The following EMILIN2 variants were observed in gnomAD, a reference collection of about 807,000 sequenced individuals.
EMILIN2 encodes the protein EMILIN-2.
Under a neutral mutation model 87.1 loss-of-function variants are expected in EMILIN2, and 71 were observed. The observed-to-expected ratio is 0.82, with a 90% CI of 0.67 to 0.99. The LOEUF is 0.99. Among genes scored for constraint, EMILIN2 ranks in the 50% least tolerant of loss-of-function variants. EMILIN2 has a pLI of 0.00. For missense variants in EMILIN2, 1,407 were observed against 1,371.8 expected (o/e 1.03, Z -0.40); for synonymous variants, 581 against 563.4 (o/e 1.03, Z -0.44).
chr18:2,866,021 A>G (rs1456742827), intron 2 of EMILIN2, among the ~76,000 whole-genome samples: 1 of 152,218 alleles, frequency 6.6e-6, no homozygotes, highest in Non-Finnish European at 1.5e-5. Context: ...GGTGCGGGAT[A>G]TAATCTGGTG....
intron 2 of EMILIN2, among the ~76,000 whole-genome samples, chr18:2,850,554 A>T (rs1318224074): frequency 6.6e-6 from 1 of 151,918 alleles, no homozygotes; most frequent in Non-Finnish European, 1.5e-5. Flanking sequence ...TACAAGCAGA[A>T]GTCACTGCAT....
At chr18:2,868,658 TGGG>T (rs2076702621) in intron 2 of EMILIN2, among the ~76,000 whole-genome samples, 1 of 151,892 alleles carries the variant, frequency 6.6e-6, no homozygotes, top group Admixed American at 6.6e-5. Context: ...CAGTCAGGCG[TGGG>T]GGCGCGCGCC....
In EMILIN2 at chr18:2,909,544, TG is replaced by T; in HGVS notation, c.2696-144del. Reference sequence around the variant, plus strand: ...CTCAGACAGGGAACCCTCTGGCTGTTGGGCATGAGGAGTTTGCTTCACCACT... The same window carrying T: ...CTCAGACAGGGAACCCTCTGGCTGTTGGCATGAGGAGTTTGCTTCACCACT... On this transcript the variant is annotated intron_variant, in intron 6 of 7. Coordinates refer to ENST00000254528, the MANE Select transcript of EMILIN2 (RefSeq NM_032048.3). 3.1e-6 allele frequency: 3 copies of T among 955,694 alleles called. 1 individual carries two copies. The highest frequency in any genetic ancestry group is 3.3e-5 in the South Asian group (2 of 60,146). 59.2% of individuals were successfully genotyped at this position (955,694 alleles called of 1,614,324 possible). A position where few individuals can be genotyped will look rare whatever the true frequency, so the allele number is the denominator to read the frequency against.
chr18:2,870,528 C>CAT (rs1568461543), intron 2 of EMILIN2, among the ~76,000 whole-genome samples: 1 of 152,170 alleles, frequency 6.6e-6, no homozygotes, highest in African/African-American at 2.4e-5. Context: ...GAAAGATAAA[C>CAT]ATAAATAATT....
chr18:2,878,747 C>G (rs1313872487), intron 2 of EMILIN2, among the ~76,000 whole-genome samples: 1 of 152,126 alleles, frequency 6.6e-6, no homozygotes, highest in East Asian at 1.9e-4. Flanking sequence ...GGAAACACCT[C>G]CTTTCTGGTT....
intron 6 of EMILIN2, 42 bp from the exon 7 acceptor site, chr18:2,909,649 G>GA (rs1289979329): frequency 6.2e-7 from 1 of 1,604,514 alleles, no homozygotes; most frequent in South Asian, 1.1e-5. Context: ...CTGGAGGACA[G>GA]AAGCACCCGG....
intron 2 of EMILIN2, among the ~76,000 whole-genome samples, chr18:2,861,169 C>G (rs1461711591): frequency 6.6e-6 from 1 of 152,076 alleles, no homozygotes; most frequent in South Asian, 2.1e-4. Flanking sequence ...AAAATGTTCT[C>G]CCATTCTGTA....
At chr18:2,867,806 T>C (rs1336126261) in intron 2 of EMILIN2, among the ~76,000 whole-genome samples, 2 of 152,202 alleles carry the variant, frequency 1.3e-5, no homozygotes, top group African/African-American at 2.4e-5. Flanking sequence ...CACCTTTCCC[T>C]CCTCTCTATT....
At chr18:2,858,547 A>ATGTGTG (rs1354578175) in intron 2 of EMILIN2, among the ~76,000 whole-genome samples, 18 of 48,054 alleles carry the variant, frequency 3.7e-4, no homozygotes, top group African/African-American at 5.8e-4. Context: ...ATATATATAT[A>ATGTGTG]TATATATATA....
At chr18:2,889,073 A>C (rs780509578) in intron 3 of EMILIN2, among the ~76,000 whole-genome samples, 1 of 146,162 alleles carries the variant, frequency 6.8e-6, no homozygotes, top group African/African-American at 2.5e-5. Context: ...GTCAGTGTTA[A>C]CCTCTTTCAG....
At chr18:2,868,132 G>A (rs2076697836) in intron 2 of EMILIN2, among the ~76,000 whole-genome samples, 2 of 152,060 alleles carry the variant, frequency 1.3e-5, no homozygotes, top group African/African-American at 4.8e-5. Flanking sequence ...TGGGGCGGTT[G>A]CCAGGCAGAG....
chr18:2,879,457 G>A (rs946862025), intron 2 of EMILIN2, among the ~76,000 whole-genome samples: 12 of 152,040 alleles, frequency 7.9e-5, no homozygotes, highest in Non-Finnish European at 1.3e-4. Context: ...TTGGGAGTTC[G>A]AGACCAGCCT....
intron 2 of EMILIN2, among the ~76,000 whole-genome samples, chr18:2,868,658 T>C (rs2076702603): frequency 6.6e-6 from 1 of 151,892 alleles, no homozygotes. Context: ...CAGTCAGGCG[T>C]GGGGGCGCGC....
At chr18:2,864,589 A>AAACT (rs1232878766) in intron 2 of EMILIN2, among the ~76,000 whole-genome samples, 5 of 152,186 alleles carry the variant, frequency 3.3e-5, no homozygotes, top group Admixed American at 3.3e-4. Context: ...GAGATCAGCT[A>AAACT]TTAGTCTGAT....
At chr18:2,870,100 G>T (rs1461615583) in intron 2 of EMILIN2, among the ~76,000 whole-genome samples, 2 of 152,104 alleles carry the variant, frequency 1.3e-5, no homozygotes, top group African/African-American at 2.4e-5. Flanking sequence ...AATTAGCTGG[G>T]CGTGGTGGTG....
intron 5 of EMILIN2, among the ~76,000 whole-genome samples, chr18:2,907,910 G>A (rs939468662): frequency 3.9e-5 from 6 of 152,330 alleles, no homozygotes; most frequent in Admixed American, 2.6e-4. Flanking sequence ...CTCTGAGTCA[G>A]ACCAGGCTGA....
rs563395782 is a variant in EMILIN2, at chr18:2,852,588, G to A, written c.257+4657G>A. Among the ~76,000 whole-genome samples the A allele has an allele frequency of 2.4e-3, 368 of 152,250 alleles. 1 individual carries two copies. The highest frequency in any genetic ancestry group is 8.5e-3 in the African/African-American group (353 of 41,524). On this transcript the variant is annotated intron_variant, in intron 2 of 7. Transcript: ENST00000254528. ...GGCTGGAGCGCAGCGGCACCATCTC[G>A]GCTCACTGCAACCTCCACCTCCTGG...
In EMILIN2 at chr18:2,890,496, G is replaced by T; in HGVS notation, c.434-65G>T. 1.3e-6 allele frequency: 2 copies of T among 1,509,014 alleles called. No homozygotes were observed. Among genetic ancestry groups the T allele is most frequent in the East Asian group, 4.6e-5 (2 of 43,884 alleles). The allele number at this position is 1,509,014 out of a possible 1,614,324, so 93.5% of individuals were successfully genotyped here. On this transcript the variant is annotated intron_variant, in intron 3 of 7. Transcript: ENST00000254528. This position sits in a 1 kb window ranked among gnomAD's most constrained non-coding sequence, Gnocchi z 4.7. ...GTATTTTGTAGGTACCTTGTTTATT[G>T]TCTTGGCAGAATCTGGCTAAAGGTA...
chr18:2,867,995 C>T (rs751774700), intron 2 of EMILIN2, among the ~76,000 whole-genome samples: 128 of 151,762 alleles, frequency 8.4e-4, no homozygotes, highest in Non-Finnish European at 1.6e-3. Context: ...CCCCCCACCT[C>T]CCTCCCGGAC....
Sources: allele counts gnomAD v4.1 joint callset (sites outside exome capture counted in the v4.1 genomes callset), GRCh38; gene constraint gnomAD v4.1.1; non-coding constraint Gnocchi (gnomAD v3.1); transcripts MANE v1.5; gene names NCBI Gene and HGNC (gene_info 2026-07-23, HGNC 2026-07-21).